YEATS2: variants seen among roughly 807,000 people sequenced by gnomAD.
YEATS2 encodes the protein YEATS domain-containing protein 2.
YEATS2 carries 77 observed loss-of-function variants against 163.2 expected under a neutral mutation model. The ratio of observed to expected loss-of-function variants is 0.47; its 90% CI spans 0.39 to 0.57. YEATS2 has a LOEUF of 0.57. YEATS2 is among the 20% of genes least tolerant of loss of function. YEATS2 has a pLI of 0.00. For synonymous variants in YEATS2, 631 were observed against 645.1 expected (o/e 0.98, Z 0.33); for missense variants, 1,549 against 1,729.8 (o/e 0.90, Z 1.85).
At chr3:183,759,495 G>A (rs1348921404) in intron 13 of YEATS2, among the ~76,000 whole-genome samples, 4 of 151,834 alleles carry the variant, frequency 2.6e-5, no homozygotes, top group Non-Finnish European at 4.4e-5. Context: ...TCTCTCTCTC[G>A]CAACAGAGAG....
chr3:183,722,502 G>T (rs556770411), intron 5 of YEATS2, among the ~76,000 whole-genome samples: 21 of 152,104 alleles, frequency 1.4e-4, no homozygotes, highest in Admixed American at 5.9e-4. Flanking sequence ...TGTTAGCCAG[G>T]ATGGTCTCGA....
chr3:183,777,007 A>G (rs1436801258), intron 18 of YEATS2, among the ~76,000 whole-genome samples: 1 of 152,092 alleles, frequency 6.6e-6, no homozygotes, highest in Non-Finnish European at 1.5e-5. Flanking sequence ...TTCCTGCCTT[A>G]AAGATTTCTA....
At chr3:183,793,608 T>A in intron 21 of YEATS2, 1 of 182,004 alleles carries the variant, frequency 5.5e-6, no homozygotes, top group Non-Finnish European at 8.7e-6. Context: ...TTTCTTTCTT[T>A]CTTTTTTTTT....
At chr3:183,754,408 A>C (rs557540165) in intron 11 of YEATS2, 43 bp downstream of exon 11, 2 of 1,548,456 alleles carry the variant, frequency 1.3e-6, no homozygotes, top group East Asian at 4.6e-5. Flanking sequence ...AGTTGACTGG[A>C]TGTTAAAATT....
At position 183,756,447 on chromosome 3, in the gene YEATS2, CCTT is replaced by C. The variant is rs1242697034; in HGVS notation, c.1391-76_1391-74del. The C allele has an allele frequency of 1.1e-5, 15 of 1,359,070 alleles. No individual in the cohort carries two copies. In the African/African-American group the frequency reaches 1.8e-4, roughly 16 times the overall value. 84.2% of individuals were successfully genotyped at this position (1,359,070 alleles called of 1,614,324 possible). A position where few individuals can be genotyped will look rare whatever the true frequency, so the allele number is the denominator to read the frequency against. On this transcript the variant is annotated intron_variant, in intron 11 of 30. Transcript: ENST00000305135. ...GTTACCTTTGTCCTGGTGGCACTGA[CCTT>C]CTTCCTTGTCCTCGACATCTTCTTA...
rs747287725 is a variant in YEATS2, at chr3:183,777,668, A to G, written c.2704A>G (p.Ile902Val). Residue 902 changes from isoleucine to valine, a missense_variant, in exon 19 of 31, where the codon ATC becomes GTC. Transcript: ENST00000305135. ...SAQGQQTLKV[I>V]SGQKTTLFTQ... ...ACAAGGACAACAAACGCTAAAAGTC[A>G]TCTCTGGACAGAAAACCACATTGTT... 1.9e-5 allele frequency: 31 copies of G among 1,614,220 alleles called. No homozygotes were observed. The East Asian group carries it at 2.5e-4, about 13-fold the overall frequency.
In YEATS2 at chr3:183,736,766, C is replaced by G; in HGVS notation, c.861C>G (p.Val287=). ...LTRRGWGEFP[V]RVQVHFKDSQ... is the part of the protein sequence containing the mutation. The stretch of plus-strand genomic sequence containing the variant: ...GAAGAGGCTGGGGTGAGTTTCCCGT[C>G]AGAGTTCAAGTTCATTTTAAGGACA... Residue 287 remains valine, a synonymous_variant, in exon 8 of 31, where the codon GTC becomes GTG. Transcript: ENST00000305135. 1.9e-6 allele frequency: 3 copies of G among 1,613,944 alleles called. No homozygotes were observed. In the South Asian group the frequency reaches 3.3e-5, roughly 18 times the overall value.
chr3:183,706,228 G>A (rs9290772), intron 1 of YEATS2, among the ~76,000 whole-genome samples: 4,905 of 151,986 alleles, frequency 0.032, 192 homozygotes, highest in East Asian at 0.15. Context: ...GATAGAAGGA[G>A]CCATGATTCC....
chr3:183,748,107 A>T (rs1191848676), intron 9 of YEATS2, among the ~76,000 whole-genome samples: 2 of 151,736 alleles, frequency 1.3e-5, no homozygotes, highest in Non-Finnish European at 2.9e-5. Flanking sequence ...ACTACCGAAG[A>T]CTGGGTAATC....
intron 19 of YEATS2, among the ~76,000 whole-genome samples, chr3:183,783,562 A>G (rs542721870): frequency 5.3e-5 from 8 of 152,272 alleles, no homozygotes; most frequent in South Asian, 4.1e-4. Flanking sequence ...TCCCTGCCCC[A>G]TGTCATAGTC....
intron 8 of YEATS2, among the ~76,000 whole-genome samples, chr3:183,738,937 C>T (rs1718658047): frequency 1.4e-5 from 2 of 145,378 alleles, no homozygotes; most frequent in South Asian, 2.3e-4. Context: ...ATGGCTGGGT[C>T]AAATGGTATT....
rs368568711 is a variant in YEATS2, at chr3:183,743,178, T to C, written c.925-4494T>C. On this transcript the variant is annotated intron_variant, in intron 8 of 30. Coordinates refer to ENST00000305135, the MANE Select transcript of YEATS2 (RefSeq NM_018023.5). Reference sequence around the variant, plus strand: ...TCTGAGGTATGTTTGTATAAAACTGTATGTACATGAAGTCAACCACGATCT... The same window carrying C: ...TCTGAGGTATGTTTGTATAAAACTGCATGTACATGAAGTCAACCACGATCT... Among the ~76,000 whole-genome samples, 3 of 152,176 alleles carry C rather than the reference T, an allele frequency of 2.0e-5. No individual in the cohort carries two copies. In the East Asian group the frequency reaches 5.8e-4, roughly 29 times the overall value.
intron 5 of YEATS2, 57 bp downstream of exon 5, chr3:183,722,193 A>T: frequency 6.4e-7 from 1 of 1,561,378 alleles, no homozygotes; most frequent in Non-Finnish European, 8.7e-7. Context: ...TATATTTACT[A>T]AAGTATGCGC....
intron 1 of YEATS2, among the ~76,000 whole-genome samples, chr3:183,712,226 T>TATG: frequency 6.8e-6 from 1 of 147,218 alleles, no homozygotes; most frequent in African/African-American, 2.6e-5. Flanking sequence ...TATTTTATTT[T>TATG]TTGAGACAGA....
rs559062465 is a variant in YEATS2 at position 183,810,812 on chromosome 3, C to T, written c.*229C>T. 15 of 515,916 alleles carry T rather than the reference C, an allele frequency of 2.9e-5. No homozygotes were observed. The highest frequency in any genetic ancestry group is 2.8e-4 in the East Asian group (8 of 28,842). The allele number at this position is 515,916 out of a possible 1,614,324, so 32.0% of individuals were successfully genotyped here. A position where few individuals can be genotyped will look rare whatever the true frequency, so the allele number is the denominator to read the frequency against. ...TGTGGAGTGAGGCTGTCAGTGGATC[C>T]GTGCTTTGTCGGCCAGCGTTTCTGC... On this transcript the variant is annotated 3_prime_UTR_variant, in exon 31 of 31. Coordinates refer to ENST00000305135, the MANE Select transcript of YEATS2 (RefSeq NM_018023.5).
intron 6 of YEATS2, among the ~76,000 whole-genome samples, chr3:183,725,734 A>G (rs966352310): frequency 6.6e-6 from 1 of 152,242 alleles, no homozygotes; most frequent in Non-Finnish European, 1.5e-5. Context: ...ATTGAAGATG[A>G]GATTTGGGTG....
chr3:183,803,458 A>T lies in YEATS2; in HGVS notation c.3582+123A>T, dbSNP rs983646710. ...GCAGAATATTTTCCTCAGTTAAAAA[A>T]AATCTCATTTTTCAAAGACCTGTAT... On this transcript the variant is annotated intron_variant, in intron 26 of 30. Transcript: ENST00000305135. 27 of 1,034,402 alleles carry T rather than the reference A, an allele frequency of 2.6e-5. 1 individual carries two copies. In the Admixed American group the frequency reaches 6.5e-4, roughly 25 times the overall value. 64.1% of individuals were successfully genotyped at this position (1,034,402 alleles called of 1,614,324 possible).
At chr3:183,757,681 A>C (rs1227780867) in intron 12 of YEATS2, among the ~76,000 whole-genome samples, 4 of 152,178 alleles carry the variant, frequency 2.6e-5, no homozygotes, top group African/African-American at 7.2e-5. Flanking sequence ...AAAAGGGATG[A>C]TTATAAGATA....
chr3:183,719,080 A>G (rs1716222260), intron 4 of YEATS2, among the ~76,000 whole-genome samples: 1 of 152,038 alleles, frequency 6.6e-6, no homozygotes, highest in African/African-American at 2.4e-5. Flanking sequence ...TAGACTTATC[A>G]GTCATTGTGT....
Sources: gnomAD v4.1 joint callset for allele counts (sites outside exome capture counted in the v4.1 genomes callset) on GRCh38, gnomAD v4.1.1 for gene constraint, MANE v1.5 for transcripts, NCBI Gene and HGNC (gene_info 2026-07-23, HGNC 2026-07-21) for gene names.